BTBD7: variants seen among roughly 807,000 people sequenced by gnomAD.
BTBD7 encodes the protein BTB domain containing 7.
BTBD7 carries 38 observed loss-of-function variants against 99.9 expected under a neutral mutation model. The observed-to-expected ratio is 0.38, with a 90% CI of 0.29 to 0.50. The LOEUF is 0.50. Among genes scored for constraint, BTBD7 ranks in the 20% least tolerant of loss-of-function variants. The probability of loss-of-function intolerance (pLI) is 0.93; values close to 1 mark genes in which losing one functional copy is unlikely to be tolerated. For synonymous variants in BTBD7, 520 were observed against 511.4 expected, an observed-to-expected ratio of 1.02 and a Z score of -0.23; for missense variants, 1,170 against 1,394.6, an observed-to-expected ratio of 0.84 and a Z score of 2.57.
chr14:93,288,971 C>T (rs2052813959), intron 3 of BTBD7, among the ~76,000 whole-genome samples: 3 of 152,000 alleles, frequency 2.0e-5, no homozygotes. Context: ...TTGCTATTTC[C>T]AGATTTGGAA....
chr14:93,260,266 T>C (rs1002826965), intron 5 of BTBD7, among the ~76,000 whole-genome samples: 1 of 152,194 alleles, frequency 6.6e-6, no homozygotes, highest in Admixed American at 6.5e-5. Context: ...ATAAATTATA[T>C]CTAAATAAAA....
chr14:93,271,558 T>G (rs1376349882), intron 3 of BTBD7, among the ~76,000 whole-genome samples: 1 of 152,194 alleles, frequency 6.6e-6, no homozygotes, highest in Non-Finnish European at 1.5e-5. Context: ...CTTCAATTCT[T>G]TCTTACTAAC....
chr14:93,252,269 T>G, intron 7 of BTBD7, among the ~76,000 whole-genome samples: 1 of 150,518 alleles, frequency 6.6e-6, no homozygotes, highest in South Asian at 2.1e-4. Context: ...GAGATCTCAC[T>G]GCGGCACTCC....
rs764654736 is a variant in BTBD7, at chr14:93,293,826, A to T, written c.1162+32T>A. On this transcript the variant is annotated intron_variant, in intron 3 of 10. Coordinates refer to ENST00000334746, the MANE Select transcript of BTBD7 (RefSeq NM_001002860.4). ...ATTTGGAAGATCAATACATAATTCT[A>T]TAAATCAGAATTAAAAACCAGAACT... 4 of 1,566,658 alleles carry T rather than the reference A, an allele frequency of 2.6e-6. No homozygotes were observed. In the African/African-American group the frequency reaches 5.5e-5, roughly 21 times the overall value.
chr14:93,294,598 C>G lies in BTBD7; in HGVS notation c.422G>C (p.Cys141Ser), dbSNP rs1019858842. 1 of 1,613,956 alleles carries G rather than the reference C, an allele frequency of 6.2e-7. No individual in the cohort carries two copies. Among genetic ancestry groups the G allele is most frequent in the African/African-American group, 1.3e-5 (1 of 74,936 alleles). Reference protein sequence around the residue: ...DMADLYEYKYCTDVDLIFQET... With the variant: ...DMADLYEYKYSTDVDLIFQET... The stretch of plus-strand genomic sequence containing the variant: ...TTGAAATATTAAGTCTACATCAGTA[C>G]AATACTTGTACTCATAAAGATCAGC... The change falls in exon 3 of 11, where the codon TGT (cysteine) becomes TCT (serine). Residue 141 changes from cysteine to serine, a missense_variant. By Grantham distance (112) the Cys-to-Ser change is moderately radical. Around this residue, in one of 4 missense-constraint regions of BTBD7, gnomAD observed 359 missense variants for 497.9 expected, o/e 0.72. Transcript: ENST00000334746.
intron 3 of BTBD7, among the ~76,000 whole-genome samples, chr14:93,281,848 A>C (rs1287232753): frequency 6.6e-6 from 1 of 152,222 alleles, no homozygotes; most frequent in Non-Finnish European, 1.5e-5. Flanking sequence ...CCCAGCAATG[A>C]GCATGAATTG....
chr14:93,285,922 G>T (rs1229768809), intron 3 of BTBD7, among the ~76,000 whole-genome samples: 1 of 152,196 alleles, frequency 6.6e-6, no homozygotes, highest in Admixed American at 6.5e-5. Context: ...CTACAGTGTT[G>T]CTGGGAAAAG....
intron 8 of BTBD7, 64 bp from the exon 9 acceptor site, chr14:93,248,718 C>A: frequency 7.1e-7 from 1 of 1,408,980 alleles, no homozygotes; most frequent in South Asian, 1.4e-5. Flanking sequence ...ACCCCGTGAG[C>A]CCAAGGGAAA....
Position 93,295,019 on chromosome 14 carries a change from T to C in BTBD7, c.83-82A>G, listed in dbSNP as rs994432361. Reference sequence around the variant, plus strand: ...GTTTAACATTTTTCATGTTGAAAAATTCTGTAAGCAGACATTACCGAACCA... The same window carrying C: ...GTTTAACATTTTTCATGTTGAAAAACTCTGTAAGCAGACATTACCGAACCA... On this transcript the variant is annotated intron_variant, in intron 2 of 10. Coordinates refer to ENST00000334746, the MANE Select transcript of BTBD7 (RefSeq NM_001002860.4). The C allele has an allele frequency of 4.7e-5, 64 of 1,366,988 alleles. No homozygotes were observed. In the Middle Eastern group the frequency reaches 7.9e-4, roughly 17 times the overall value. 84.7% of individuals were successfully genotyped at this position (1,366,988 alleles called of 1,614,324 possible).
rs979738574 is a variant in BTBD7, at chr14:93,237,635, G to A, written c.*4638C>T. 1 of 152,592 alleles carries A rather than the reference G, an allele frequency of 6.6e-6. No individual in the cohort carries two copies. Among genetic ancestry groups the A allele is most frequent in the Non-Finnish European group, 1.5e-5 (1 of 68,032 alleles). 9.5% of individuals were successfully genotyped at this position (152,592 alleles called of 1,614,324 possible). A position where few individuals can be genotyped will look rare whatever the true frequency, so the allele number is the denominator to read the frequency against. On this transcript the variant is annotated 3_prime_UTR_variant, in exon 11 of 11. Transcript: ENST00000334746. ...GCTTATCAGTAACAGTAGAAAAATAGAAGCAGTGAAAACCTCTGTACAACT... is the reference window on the plus strand; with the variant it reads ...GCTTATCAGTAACAGTAGAAAAATAAAAGCAGTGAAAACCTCTGTACAACT...
At chr14:93,289,851 C>G in intron 3 of BTBD7, among the ~76,000 whole-genome samples, 1 of 98,440 alleles carries the variant, frequency 1.0e-5, no homozygotes, top group African/African-American at 3.9e-5. Context: ...ACTCTCTGGG[C>G]TTTTTTTTTT....
intron 3 of BTBD7, among the ~76,000 whole-genome samples, chr14:93,278,307 G>T (rs1040317184): frequency 2.0e-5 from 3 of 152,170 alleles, no homozygotes; most frequent in South Asian, 2.1e-4. Context: ...CCAGCTACTT[G>T]GGAAGCTGAG....
chr14:93,257,087 T>G (rs1319023621), intron 6 of BTBD7, 108 bp downstream of exon 6: 10 of 1,121,678 alleles, frequency 8.9e-6, no homozygotes, highest in Non-Finnish European at 1.3e-5. Flanking sequence ...CTCACAGAAT[T>G]ACAGCTTCAC....
intron 3 of BTBD7, among the ~76,000 whole-genome samples, chr14:93,274,256 G>A (rs2052631526): frequency 6.6e-6 from 1 of 152,236 alleles, no homozygotes; most frequent in Non-Finnish European, 1.5e-5. Context: ...AGTGATGCAA[G>A]AAGTAGACTA....
At chr14:93,315,148 G>A (rs2053184641) in intron 1 of BTBD7, among the ~76,000 whole-genome samples, 1 of 152,082 alleles carries the variant, frequency 6.6e-6, no homozygotes. Flanking sequence ...AAGCAGTTAG[G>A]ACAATATTTG....
intron 3 of BTBD7, chr14:93,287,666 A>G (rs1343123412): frequency 6.6e-6 from 1 of 152,222 alleles, no homozygotes; most frequent in East Asian, 1.9e-4. Context: ...AAACATTGAA[A>G]GTAATTGATT....
At chr14:93,263,126 G>T (rs1205164784) in intron 4 of BTBD7, among the ~76,000 whole-genome samples, 2 of 152,168 alleles carry the variant, frequency 1.3e-5, no homozygotes, top group Non-Finnish European at 1.5e-5. Flanking sequence ...TAAAACGGTT[G>T]TACAGTTTTT....
rs563682858 is a variant in BTBD7 at position 93,290,560 on chromosome 14, C to T, written c.1162+3298G>A. Among the ~76,000 whole-genome samples, 17 of 142,400 alleles carry T rather than the reference C, an allele frequency of 1.2e-4. 1 individual carries two copies. The highest frequency in any genetic ancestry group is 3.4e-4 in the African/African-American group (13 of 37,968). The allele number at this position is 142,400 out of a possible 152,430, so 93.4% of individuals were successfully genotyped here. ...TAAGACAAAGTCTCACTCTATCACC[C>T]GGGCTGGAGTGGAGTGGTGCAATCT... On this transcript the variant is annotated intron_variant, in intron 3 of 10. Transcript: ENST00000334746.
At chr14:93,282,198 A>G (rs2052728016) in intron 3 of BTBD7, among the ~76,000 whole-genome samples, 1 of 152,212 alleles carries the variant, frequency 6.6e-6, no homozygotes, top group Non-Finnish European at 1.5e-5. Flanking sequence ...AGTAACAGCT[A>G]AGTAATATCA....
Sources: gnomAD v4.1 joint callset for allele counts (sites outside exome capture counted in the v4.1 genomes callset) on GRCh38, gnomAD v4.1.1 for gene constraint, gnomAD v4.1.1 regional missense constraint, MANE v1.5 for transcripts, NCBI Gene and HGNC (gene_info 2026-07-23, HGNC 2026-07-21) for gene names.